The following SNX29 variants were observed in gnomAD, a reference collection of about 807,000 sequenced individuals.
SNX29 encodes the protein sorting nexin-29.
SNX29 carries 78 observed loss-of-function variants against 102.1 expected under a neutral mutation model. That is an observed-to-expected ratio of 0.76 (90% CI 0.64 to 0.92). The LOEUF is 0.92. Among genes scored for constraint, SNX29 ranks in the 40% least tolerant of loss-of-function variants. The pLI is 0.00. For missense variants in SNX29, 1,280 were observed against 1,061.7 expected (o/e 1.21, Z -2.86); for synonymous variants, 580 against 414.5 (o/e 1.40, Z -4.85).
chr16:12,464,148 A>C (rs894022679), intron 18 of SNX29, among the ~76,000 whole-genome samples: 1 of 151,560 alleles, frequency 6.6e-6, no homozygotes, highest in Admixed American at 6.6e-5. Flanking sequence ...ATTTGGTGTA[A>C]TACGATCCCC....
In SNX29 at chr16:12,502,722, C is replaced by T. The variant is rs531130874; in HGVS notation, c.2179-21980C>T. ...CAGTACCCTCTACGTGAAACATGAA[C>T]TTTAAATGTGAACTTAGATGACAAA... On this transcript the variant is annotated intron_variant, in intron 19 of 20. Transcript: ENST00000566228. Among the ~76,000 whole-genome samples, 10 of 152,330 alleles carry T rather than the reference C, an allele frequency of 6.6e-5. No individual in the cohort carries two copies. The South Asian group carries it at 1.7e-3, about 25-fold the overall frequency.
chr16:12,196,250 C>A (rs956933167), intron 13 of SNX29, among the ~76,000 whole-genome samples: 5 of 152,074 alleles, frequency 3.3e-5, no homozygotes, highest in Non-Finnish European at 5.9e-5. Context: ...GCATGAGCCA[C>A]CACGCCTGGT....
chr16:12,167,822 GT>G (rs1398264018), intron 13 of SNX29, among the ~76,000 whole-genome samples: 1 of 152,166 alleles, frequency 6.6e-6, no homozygotes, highest in African/African-American at 2.4e-5. Flanking sequence ...CAGGGCCACC[GT>G]TTATTTCGTG....
intron 13 of SNX29, among the ~76,000 whole-genome samples, chr16:12,151,627 C>T (rs1185872638): frequency 2.0e-5 from 3 of 152,194 alleles, no homozygotes; most frequent in Non-Finnish European, 4.4e-5. Flanking sequence ...TTTTCAATTC[C>T]TCTGAAGAGA....
intron 13 of SNX29, among the ~76,000 whole-genome samples, chr16:12,135,033 C>T (rs2054609715): frequency 6.6e-6 from 1 of 152,132 alleles, no homozygotes; most frequent in Non-Finnish European, 1.5e-5. Context: ...GGCATGAGAG[C>T]CAGGAGTGCC....
intron 16 of SNX29, among the ~76,000 whole-genome samples, chr16:12,386,213 C>G (rs1448133381): frequency 6.6e-6 from 1 of 152,242 alleles, no homozygotes; most frequent in African/African-American, 2.4e-5. Context: ...ACCCTTAAGC[C>G]AGTGAAAGAC....
chr16:12,535,712 C>T (rs947250467), intron 20 of SNX29, among the ~76,000 whole-genome samples: 1 of 152,154 alleles, frequency 6.6e-6, no homozygotes, highest in African/African-American at 2.4e-5. Context: ...CCTCTGTGCC[C>T]CTTGTAAACA....
chr16:12,029,957 A>G (rs1294905969), intron 4 of SNX29, among the ~76,000 whole-genome samples: 1 of 152,306 alleles, frequency 6.6e-6, no homozygotes, highest in Non-Finnish European at 1.5e-5. Context: ...GTCAATTACA[A>G]GGTGATCGGG....
In SNX29 at chr16:12,167,515, T is replaced by G. The variant is rs1051313930; in HGVS notation, c.1596-32086T>G. 5.3e-5 allele frequency among the ~76,000 whole-genome samples: 8 copies of G among 152,210 alleles called. No homozygotes were observed. The South Asian group carries it at 1.2e-3, about 24-fold the overall frequency. ...ACCATCATCAATATGATCATCATCA[T>G]AGTAGCCACCATTAATTGCCCAGGG... On this transcript the variant is annotated intron_variant, in intron 13 of 20. Transcript: ENST00000566228.
intron 16 of SNX29, chr16:12,372,988 T>C (rs1486869606): frequency 1.3e-5 from 2 of 152,240 alleles, no homozygotes; most frequent in Non-Finnish European, 2.9e-5. Flanking sequence ...TAGGTTCTCA[T>C]GTCTCCATTT....
At chr16:12,568,038 C>T (rs759132002) in intron 20 of SNX29, among the ~76,000 whole-genome samples, 3 of 152,166 alleles carry the variant, frequency 2.0e-5, no homozygotes, top group Non-Finnish European at 4.4e-5. Context: ...TAGCCCCTAG[C>T]CTAGGGCCTG....
At chr16:12,551,560 G>A (rs891402404) in intron 20 of SNX29, among the ~76,000 whole-genome samples, 1 of 152,198 alleles carries the variant, frequency 6.6e-6, no homozygotes, top group Non-Finnish European at 1.5e-5. Context: ...ATGCAAAGTT[G>A]AGAAGCCCTG....
chr16:12,548,216 G>T (rs565391066), intron 20 of SNX29, among the ~76,000 whole-genome samples: 4 of 152,164 alleles, frequency 2.6e-5, no homozygotes, highest in African/African-American at 7.2e-5. Flanking sequence ...GGCCACGCTG[G>T]ATCCTGCCAC....
intron 1 of SNX29, among the ~76,000 whole-genome samples, chr16:11,990,905 A>C (rs1267859640): frequency 6.6e-6 from 1 of 152,256 alleles, no homozygotes; most frequent in African/African-American, 2.4e-5. Flanking sequence ...CTGCCAGGGC[A>C]GTGGGCTGTT....
At chr16:12,286,148 G>GT (rs113933392) in intron 15 of SNX29, among the ~76,000 whole-genome samples, 2,273 of 144,886 alleles carry the variant, frequency 0.016, 45 homozygotes, top group African/African-American at 0.05. Context: ...TGTCCTGTTT[G>GT]TTTTTTTTTT....
At position 12,098,124 on chromosome 16, in the gene SNX29, C is replaced by T. The variant is rs1327824067; in HGVS notation, c.1402+19209C>T. On this transcript the variant is annotated intron_variant, in intron 11 of 20. Transcript: ENST00000566228. This position sits in a 1 kb window ranked among gnomAD's most constrained non-coding sequence, Gnocchi z 6.0. ...GCCCAGAGGACGCTCAGTACGTGGC[C>T]GGGGTGCTTACGTTTTGGTTGCAGC... 3.3e-5 allele frequency among the ~76,000 whole-genome samples: 5 copies of T among 152,204 alleles called. No homozygotes were observed. The highest frequency in any genetic ancestry group is 1.9e-4 in the East Asian group (1 of 5,194).
intron 14 of SNX29, among the ~76,000 whole-genome samples, chr16:12,210,671 T>C (rs192118363): frequency 6.6e-6 from 1 of 152,204 alleles, no homozygotes; most frequent in East Asian, 1.9e-4. Context: ...GCTGCATCCT[T>C]GCTTCAGGTT....
chr16:12,012,894 T>G (rs150499277), intron 3 of SNX29, among the ~76,000 whole-genome samples: 1 of 152,060 alleles, frequency 6.6e-6, no homozygotes, highest in Non-Finnish European at 1.5e-5. Context: ...AATCGTGTCA[T>G]GTACTGTGTA....
At chr16:12,369,432 G>A (rs1030490564) in intron 16 of SNX29, among the ~76,000 whole-genome samples, 25 of 152,150 alleles carry the variant, frequency 1.6e-4, no homozygotes, top group Non-Finnish European at 2.9e-4. Flanking sequence ...CACCGTGCCC[G>A]GCCGCATGTT....
Sources: allele counts gnomAD v4.1 joint callset (sites outside exome capture counted in the v4.1 genomes callset), GRCh38; gene constraint gnomAD v4.1.1; non-coding constraint Gnocchi (gnomAD v3.1); transcripts MANE v1.5; gene names NCBI Gene and HGNC (gene_info 2026-07-23, HGNC 2026-07-21).